MCHR2: variants seen among roughly 807,000 people sequenced by gnomAD.
The protein encoded by MCHR2 is melanin concentrating hormone receptor 2, also known as melanin-concentrating hormone receptor 2.
In MCHR2, 15 loss-of-function variants were observed where a neutral mutation model predicts 24.8. The observed-to-expected ratio is 0.60, with a 90% CI of 0.40 to 0.93. MCHR2 has a LOEUF of 0.93. Among genes scored for constraint, MCHR2 ranks in the 40% least tolerant of loss-of-function variants. The pLI is 0.00. For missense variants in MCHR2, 386 were observed against 408.7 expected, an observed-to-expected ratio of 0.94 and a Z score of 0.48; for synonymous variants, 151 against 147.6, an observed-to-expected ratio of 1.02 and a Z score of -0.17.
chr6:99,926,750 G>A (rs1212483709), intron 5 of MCHR2, among the ~76,000 whole-genome samples: 1 of 152,132 alleles, frequency 6.6e-6, no homozygotes, highest in Non-Finnish European at 1.5e-5. Flanking sequence ...TTTGTCAGAT[G>A]AGTAGGTTGT....
At chr6:99,975,674 G>C (rs991632880) in intron 1 of MCHR2, among the ~76,000 whole-genome samples, 6 of 152,238 alleles carry the variant, frequency 3.9e-5, no homozygotes, top group African/African-American at 1.4e-4. Context: ...CTCACGCTGG[G>C]AGCTGTAGAC....
intron 4 of MCHR2, 64 bp downstream of exon 4, chr6:99,942,885 A>G: frequency 1.4e-6 from 2 of 1,400,338 alleles, no homozygotes; most frequent in Non-Finnish European, 9.8e-7. Context: ...TCACATGTTG[A>G]CAAGGAGAAT....
In MCHR2 at chr6:99,931,190, C is replaced by T. The variant is rs572578249; in HGVS notation, c.707+3208G>A. Among the ~76,000 whole-genome samples, 23 of 152,204 alleles carry T rather than the reference C, an allele frequency of 1.5e-4. No homozygotes were observed. In the East Asian group the frequency reaches 3.3e-3, roughly 22 times the overall value. On this transcript the variant is annotated intron_variant, in intron 5 of 5. Transcript: ENST00000281806. ...GCGAATGCTGCTGTCTGATTGTTCCCCTGGAAGTTTTGTCTCAGAGGAGTA... is the reference window on the plus strand; with the variant it reads ...GCGAATGCTGCTGTCTGATTGTTCCTCTGGAAGTTTTGTCTCAGAGGAGTA...
chr6:99,987,896 A>T (rs1775799030), intron 1 of MCHR2, among the ~76,000 whole-genome samples: 1 of 152,220 alleles, frequency 6.6e-6, no homozygotes, highest in Non-Finnish European at 1.5e-5. Context: ...AGAAAAGAAA[A>T]GGAAACAAGA....
intron 4 of MCHR2, among the ~76,000 whole-genome samples, chr6:99,939,682 C>T (rs1249229717): frequency 6.6e-6 from 1 of 151,058 alleles, no homozygotes; most frequent in African/African-American, 2.4e-5. Flanking sequence ...TTCATACCTT[C>T]AAGTATTTTC....
intron 1 of MCHR2, among the ~76,000 whole-genome samples, chr6:99,976,027 C>G (rs1378717358): frequency 1.3e-5 from 2 of 152,138 alleles, no homozygotes; most frequent in African/African-American, 4.8e-5. Context: ...GTTTGTGGAT[C>G]TTTCAGCTTA....
chr6:99,921,753 C>T (rs986347451), intron 5 of MCHR2, among the ~76,000 whole-genome samples: 2 of 151,990 alleles, frequency 1.3e-5, no homozygotes, highest in Non-Finnish European at 2.9e-5. Flanking sequence ...ATTAACCATC[C>T]TCACCTCACC....
At chr6:99,991,120 A>G (rs1775864535) in intron 1 of MCHR2, among the ~76,000 whole-genome samples, 2 of 151,854 alleles carry the variant, frequency 1.3e-5, no homozygotes, top group South Asian at 4.2e-4. Flanking sequence ...GGGTCAGAGG[A>G]GTGAGAAGGT....
intron 1 of MCHR2, among the ~76,000 whole-genome samples, chr6:99,976,124 T>C (rs1036200124): frequency 2.0e-5 from 3 of 152,168 alleles, no homozygotes; most frequent in Non-Finnish European, 4.4e-5. Context: ...CATTACAAAT[T>C]TTAAAAAGTT....
chr6:99,980,567 G>A (rs911514369), intron 1 of MCHR2, among the ~76,000 whole-genome samples: 20 of 152,218 alleles, frequency 1.3e-4, no homozygotes, highest in African/African-American at 4.3e-4. Flanking sequence ...GTGTGTGTGC[G>A]CTCACGCACA....
chr6:99,991,527 C>T (rs923415142), intron 1 of MCHR2, among the ~76,000 whole-genome samples: 7 of 152,050 alleles, frequency 4.6e-5, no homozygotes, highest in Admixed American at 3.3e-4. Context: ...CATCTGAGGC[C>T]GGGGCGCGGT....
intron 3 of MCHR2, among the ~76,000 whole-genome samples, chr6:99,946,333 G>T (rs933307563): frequency 4.6e-5 from 7 of 152,132 alleles, no homozygotes; most frequent in African/African-American, 1.7e-4. Flanking sequence ...AAGTTCTCTT[G>T]CAGAAAAACA....
chr6:99,970,776 A>C (rs1007372675), intron 1 of MCHR2, among the ~76,000 whole-genome samples: 1 of 152,216 alleles, frequency 6.6e-6, no homozygotes, highest in African/African-American at 2.4e-5. Context: ...AGCTTTCTAC[A>C]TATGGCTAGC....
intron 4 of MCHR2, among the ~76,000 whole-genome samples, chr6:99,935,521 T>C (rs1774639030): frequency 6.6e-6 from 1 of 152,074 alleles, no homozygotes; most frequent in Non-Finnish European, 1.5e-5. Flanking sequence ...TCTATTCATG[T>C]TGCTACAAAT....
At chr6:99,942,880 TG>T (rs1774800827) in intron 4 of MCHR2, 68 bp downstream of exon 4, 16 of 1,356,628 alleles carry the variant, frequency 1.2e-5, no homozygotes, top group Non-Finnish European at 1.5e-5. Context: ...GCTGCTCACA[TG>T]TTGACAAGGA....
chr6:99,957,722 TAGAAAA>T (rs1775092408), intron 1 of MCHR2, among the ~76,000 whole-genome samples: 1 of 149,730 alleles, frequency 6.7e-6, no homozygotes, highest in Non-Finnish European at 1.5e-5. Flanking sequence ...TACAAACCAT[TAGAAAA>T]AGAAAGTTTA....
intron 5 of MCHR2, among the ~76,000 whole-genome samples, chr6:99,931,273 C>T (rs562472469): frequency 1.3e-5 from 2 of 152,316 alleles, no homozygotes; most frequent in East Asian, 3.9e-4. Context: ...AGTTAGGCTG[C>T]TCGGGGGTCA....
At chr6:99,934,630 C>T in intron 4 of MCHR2, 113 bp from the exon 5 acceptor site, 1 of 1,007,294 alleles carries the variant, frequency 9.9e-7, no homozygotes, top group Non-Finnish European at 1.3e-6. Flanking sequence ...TTTTCAGGGT[C>T]CAGGATGAAA....
chr6:99,992,844 T>C (rs1775910748), intron 1 of MCHR2, among the ~76,000 whole-genome samples: 2 of 152,316 alleles, frequency 1.3e-5, no homozygotes, highest in Non-Finnish European at 1.5e-5. Flanking sequence ...AACATATGCC[T>C]GATCCAAATG....
Sources: gnomAD v4.1 joint callset for allele counts (sites outside exome capture counted in the v4.1 genomes callset) on GRCh38, gnomAD v4.1.1 for gene constraint, MANE v1.5 for transcripts, NCBI Gene and HGNC (gene_info 2026-07-23, HGNC 2026-07-21) for gene names.